Variants in SBNO1 observed in about 807,000 individuals in gnomAD.
SBNO1 encodes strawberry notch homolog 1.
In SBNO1, 23 loss-of-function variants were observed where a neutral mutation model predicts 173.6. The ratio of observed to expected loss-of-function variants is 0.13; its 90% CI spans 0.10 to 0.19. The LOEUF (loss-of-function observed/expected upper bound fraction) is 0.19, where lower values mean the gene tolerates loss of function less well. Ranked by LOEUF, SBNO1 falls within the 10% of genes least tolerant of loss-of-function variation. SBNO1 has a pLI of 1.00. For synonymous variants in SBNO1, 632 were observed against 571.5 expected (o/e 1.11, Z -1.51); for missense variants, 1,238 against 1,671.2 (o/e 0.74, Z 4.52).
rs768325768 is a variant in SBNO1 at position 123,309,759 on chromosome 12, T to G, written c.3393A>C (p.Ala1131=). 1.2e-4 allele frequency: 195 copies of G among 1,612,814 alleles called. No individual in the cohort carries two copies. Among genetic ancestry groups the G allele is most frequent in the Non-Finnish European group, 1.6e-4 (187 of 1,179,680 alleles). ...LFQYFADTLT[A]VVQNAKKNGR... is the part of the protein sequence containing the mutation. ...CATTTTTTTTGGCATTTTGAACAAC[T>G]GCAGTAAGTGTGTCCGCAAAATACT... Residue 1131 remains alanine, a synonymous_variant, in exon 26 of 32, where the codon GCA becomes GCC. Transcript: ENST00000602398.
intron 14 of SBNO1, 40 bp downstream of exon 14, chr12:123,326,112 A>G: frequency 7.6e-7 from 1 of 1,318,142 alleles, no homozygotes; most frequent in Non-Finnish European, 9.9e-7. Context: ...ACTAAACAAC[A>G]TAACCCCCAA....
At chr12:123,358,704 C>T (rs1874746758) in intron 1 of SBNO1, among the ~76,000 whole-genome samples, 1 of 140,630 alleles carries the variant, frequency 7.1e-6, no homozygotes, top group African/African-American at 2.7e-5. Context: ...GATCGCGCCA[C>T]TGCACTCCAG....
At chr12:123,339,702 G>A (rs188405921) in intron 5 of SBNO1, among the ~76,000 whole-genome samples, 3 of 152,050 alleles carry the variant, frequency 2.0e-5, no homozygotes, top group East Asian at 3.9e-4. Context: ...CAGAAGAATC[G>A]CTCGAACCTG....
intron 1 of SBNO1, among the ~76,000 whole-genome samples, chr12:123,354,931 T>C (rs1874270665): frequency 6.6e-6 from 1 of 152,204 alleles, no homozygotes; most frequent in East Asian, 1.9e-4. Flanking sequence ...GACTCACACC[T>C]ATAATCCCAG....
At chr12:123,361,202 C>CCACT (rs561960308) in intron 1 of SBNO1, among the ~76,000 whole-genome samples, 51 of 151,886 alleles carry the variant, frequency 3.4e-4, no homozygotes, top group Non-Finnish European at 5.6e-4. Flanking sequence ...AGAGATCACA[C>CCACT]CACTGCACTC....
At chr12:123,325,028 C>G (rs1394244880) in intron 15 of SBNO1, among the ~76,000 whole-genome samples, 1 of 152,052 alleles carries the variant, frequency 6.6e-6, no homozygotes, top group Non-Finnish European at 1.5e-5. Context: ...CCAGGCTGGT[C>G]TCAAACTACT....
intron 28 of SBNO1, among the ~76,000 whole-genome samples, chr12:123,307,933 G>A (rs1013459630): frequency 7.2e-5 from 11 of 152,128 alleles, no homozygotes; most frequent in East Asian, 1.9e-4. Context: ...TTAGCCAGGC[G>A]TGGTGGTGCG....
rs895950177 is a variant in SBNO1 at position 123,334,047 on chromosome 12, G to A, written c.909+6C>T. 11 of 1,537,106 alleles carry A rather than the reference G, an allele frequency of 7.2e-6. No individual in the cohort carries two copies. Among genetic ancestry groups the A allele is most frequent in the Non-Finnish European group, 9.7e-6 (11 of 1,139,274 alleles). On this transcript the variant is annotated splice_donor_region_variant and intron_variant, in intron 7 of 31. Coordinates refer to ENST00000602398, the MANE Select transcript of SBNO1 (RefSeq NM_001167856.3). ...AATTATTGTATTATGAAATATTATT[G>A]CTTACCTGGGCTGCATATGTAATTG...
Position 123,364,834 on chromosome 12 carries a change from A to C in SBNO1, c.-134T>G. 1.1e-6 allele frequency: 1 copy of C among 950,396 alleles called. No individual in the cohort carries two copies. The highest frequency in any genetic ancestry group is 1.3e-6 in the Non-Finnish European group (1 of 798,902). The allele number at this position is 950,396 out of a possible 1,614,324, so 58.9% of individuals were successfully genotyped here. A position where few individuals can be genotyped will look rare whatever the true frequency, so the allele number is the denominator to read the frequency against. Reference sequence around the variant, plus strand: ...CTGCTCTGCCTACCTCCCCGCCGCCATCTTGACGCCCCTCCCCCAGCCCCC... The same window carrying C: ...CTGCTCTGCCTACCTCCCCGCCGCCCTCTTGACGCCCCTCCCCCAGCCCCC... On this transcript the variant is annotated 5_prime_UTR_variant, in exon 1 of 32. An upstream start codon of the reference 5' UTR is lost. Transcript: ENST00000602398.
chr12:123,351,715 A>T (rs554030954), intron 1 of SBNO1, among the ~76,000 whole-genome samples: 1 of 152,334 alleles, frequency 6.6e-6, no homozygotes, highest in East Asian at 1.9e-4. Flanking sequence ...CATCTTGGGA[A>T]ACTGACATAG....
chr12:123,337,460 G>A (rs768289056), intron 5 of SBNO1, among the ~76,000 whole-genome samples: 5 of 152,164 alleles, frequency 3.3e-5, no homozygotes, highest in Non-Finnish European at 7.3e-5. Flanking sequence ...AGGCAAGATC[G>A]AGACAGCATT....
chr12:123,339,873 C>G (rs913310659), intron 5 of SBNO1, among the ~76,000 whole-genome samples: 1 of 152,138 alleles, frequency 6.6e-6, no homozygotes, highest in Non-Finnish European at 1.5e-5. Context: ...ACAAGCTAAG[C>G]TTCCTGGCTT....
chr12:123,306,322 C>G (rs1377195530), intron 28 of SBNO1, among the ~76,000 whole-genome samples: 2 of 152,122 alleles, frequency 1.3e-5, no homozygotes, highest in African/African-American at 4.8e-5. Flanking sequence ...TTCCCAATGG[C>G]AGCACAGGCT....
chr12:123,356,311 A>T (rs9739008), intron 1 of SBNO1, among the ~76,000 whole-genome samples: 144,783 of 152,044 alleles, frequency 0.95, 69,064 homozygotes, highest in Non-Finnish European at 0.96. Flanking sequence ...ACTATCATTT[A>T]TATATATGTT....
intron 5 of SBNO1, among the ~76,000 whole-genome samples, chr12:123,339,038 G>C (rs769010938): frequency 6.6e-6 from 1 of 151,744 alleles, no homozygotes; most frequent in Non-Finnish European, 1.5e-5. Context: ...GGAAATGTGA[G>C]AACCACATAA....
chr12:123,310,930 G>T, intron 25 of SBNO1, 125 bp downstream of exon 25: 1 of 691,134 alleles, frequency 1.4e-6, no homozygotes, highest in Non-Finnish European at 2.5e-6. Flanking sequence ...ATACCCCACA[G>T]CAGCCAAAAC....
Position 123,326,031 on chromosome 12 carries a change from A to AT in SBNO1, c.1875+120dup, listed in dbSNP as rs997926268. The AT allele has an allele frequency of 1.3e-5, 8 of 634,790 alleles. No individual in the cohort carries two copies. The African/African-American group carries it at 1.5e-4, about 12-fold the overall frequency. 39.3% of individuals were successfully genotyped at this position (634,790 alleles called of 1,614,324 possible). A position where few individuals can be genotyped will look rare whatever the true frequency, so the allele number is the denominator to read the frequency against. The stretch of plus-strand genomic sequence containing the variant: ...TTGCTTTTATAATTTTAAGAAATGT[A>AT]TTTTTTAGAAGTTTTACTATCCTTT... On this transcript the variant is annotated intron_variant, in intron 14 of 31. Coordinates refer to ENST00000602398, the MANE Select transcript of SBNO1 (RefSeq NM_001167856.3).
rs2048490604 is a variant in SBNO1 at position 123,290,129 on chromosome 12, T to G, written c.*5779A>C. On this transcript the variant is annotated 3_prime_UTR_variant, in exon 32 of 32. Coordinates refer to ENST00000602398, the MANE Select transcript of SBNO1 (RefSeq NM_001167856.3). ...CTTGCTGGACGGTGCCCTGCCACGT[T>G]GCGGCAGCCCAGATGGCCGCACTGC... 6.6e-6 allele frequency: 1 copy of G among 152,268 alleles called. No individual in the cohort carries two copies. Among genetic ancestry groups the G allele is most frequent in the African/African-American group, 2.4e-5 (1 of 41,470 alleles). The allele number at this position is 152,268 out of a possible 1,614,324, so 9.4% of individuals were successfully genotyped here.
chr12:123,342,237 T>G, intron 4 of SBNO1, among the ~76,000 whole-genome samples: 1 of 145,204 alleles, frequency 6.9e-6, no homozygotes, highest in South Asian at 2.2e-4. Flanking sequence ...GCAACAAGAG[T>G]AAAACTCTGT....
Sources: gnomAD v4.1 joint callset for allele counts (sites outside exome capture counted in the v4.1 genomes callset) on GRCh38, gnomAD v4.1.1 for gene constraint, MANE v1.5 for transcripts, NCBI Gene and HGNC (gene_info 2026-07-23, HGNC 2026-07-21) for gene names.